The following SLC10A2 variants were observed in gnomAD, a reference collection of about 807,000 sequenced individuals.
SLC10A2 encodes the protein solute carrier family 10 member 2, also known as ileal sodium/bile acid cotransporter.
A neutral mutation model predicts 27.1 loss-of-function variants in SLC10A2; 34 were observed. That is an observed-to-expected ratio of 1.26 (90% CI 0.96 to 1.67). The LOEUF is 1.67. Ranked by LOEUF, SLC10A2 falls within the 40% of genes most tolerant of loss-of-function variation. The pLI, the probability that SLC10A2 is intolerant of heterozygous loss-of-function variation, is 0.00. For missense variants in SLC10A2, 530 were observed against 444.4 expected, an observed-to-expected ratio of 1.19 and a Z score of -1.73; for synonymous variants, 205 against 174.0, an observed-to-expected ratio of 1.18 and a Z score of -1.40.
At chr13:103,058,654 T>A (rs1566514171) in intron 1 of SLC10A2, among the ~76,000 whole-genome samples, 1 of 152,276 alleles carries the variant, frequency 6.6e-6, no homozygotes, top group East Asian at 1.9e-4. Flanking sequence ...TTCCCCTCTA[T>A]GTGTCCATGC....
At chr13:103,052,420 G>A (rs1366859238) in intron 3 of SLC10A2, among the ~76,000 whole-genome samples, 200 bp downstream of exon 3, 6 of 130,898 alleles carry the variant, frequency 4.6e-5, no homozygotes, top group African/African-American at 1.5e-4. Flanking sequence ...AACAGCATTA[G>A]CAACATAGTG....
rs267603746 is a variant in SLC10A2 at position 103,066,090 on chromosome 13, C to T, written c.160G>A (p.Glu54Lys). 3 of 1,613,794 alleles carry T rather than the reference C, an allele frequency of 1.9e-6. No individual in the cohort carries two copies. Among genetic ancestry groups the T allele is most frequent in the Non-Finnish European group, 1.7e-6 (2 of 1,179,874 alleles). The part of the protein sequence containing the change: ...LVMFSMGCNV[E>K]IKKFLGHIKR... ...ATGTGCCCTAGAAATTTCTTGATTTCCACGTTGCATCCCATGGAGAACATC... is the reference window on the plus strand; with the variant it reads ...ATGTGCCCTAGAAATTTCTTGATTTTCACGTTGCATCCCATGGAGAACATC... The change falls in exon 1 of 6, where the codon GAA becomes AAA. Residue 54 changes from glutamate to lysine, a missense_variant. Transcript: ENST00000245312.
chr13:103,061,353 T>TA (rs1156857337), intron 1 of SLC10A2, among the ~76,000 whole-genome samples: 6 of 151,786 alleles, frequency 4.0e-5, no homozygotes, highest in Non-Finnish European at 5.9e-5. Context: ...TATTTTATTT[T>TA]AAAAAATATA....
chr13:103,065,494 C>T (rs1056131129), intron 1 of SLC10A2, among the ~76,000 whole-genome samples: 4 of 152,080 alleles, frequency 2.6e-5, no homozygotes, highest in African/African-American at 9.7e-5. Context: ...CCCAGAGCTC[C>T]TCATCATTAC....
At chr13:103,053,211 G>A (rs1875842195) in intron 2 of SLC10A2, among the ~76,000 whole-genome samples, 1 of 151,680 alleles carries the variant, frequency 6.6e-6, no homozygotes, top group Non-Finnish European at 1.5e-5. Flanking sequence ...ATTTTAAAAT[G>A]AAAGAAAATG....
At chr13:103,065,762 T>A (rs747405613) in intron 1 of SLC10A2, 111 bp downstream of exon 1, 100 of 1,227,594 alleles carry the variant, frequency 8.1e-5, no homozygotes, top group Middle Eastern at 7.1e-4. Context: ...GTTTGATTCC[T>A]TAGTCATACT....
Position 103,066,231 on chromosome 13 carries a change from A to T in SLC10A2, c.19T>A (p.Cys7Ser). 1 of 1,608,742 alleles carries T rather than the reference A, an allele frequency of 6.2e-7. No individual in the cohort carries two copies. Among genetic ancestry groups the T allele is most frequent in the East Asian group, 2.2e-5 (1 of 44,760 alleles). ...GAGCAAACTGTTGCATTGTCCACAC[A>T]GCTGTTCGGATCATTCATTGCTGGG... The part of the protein sequence containing the change: MNDPNS[C>S]VDNATVCSGA... Residue 7 changes from cysteine to serine, a missense_variant, in exon 1 of 6, where the codon TGT becomes AGT. By Grantham distance (112) the Cys-to-Ser change is moderately radical. Transcript: ENST00000245312.
At position 103,044,861 on chromosome 13, in the gene SLC10A2, A is replaced by G. The variant is rs1187856163; in HGVS notation, c.*1272T>C. On this transcript the variant is annotated 3_prime_UTR_variant, in exon 6 of 6. Coordinates refer to ENST00000245312, the MANE Select transcript of SLC10A2 (RefSeq NM_000452.3). Reference sequence around the variant, plus strand: ...ATTCGATCTTATAATTGAAAGTCCAACACTTGATGAGTTATTTTCCCCTGG... The same window carrying G: ...ATTCGATCTTATAATTGAAAGTCCAGCACTTGATGAGTTATTTTCCCCTGG... 2 of 152,212 alleles carry G rather than the reference A, an allele frequency of 1.3e-5. No homozygotes were observed. Among genetic ancestry groups the G allele is most frequent in the East Asian group, 1.9e-4 (1 of 5,196 alleles). The allele number at this position is 152,212 out of a possible 1,614,324, so 9.4% of individuals were successfully genotyped here. A position where few individuals can be genotyped will look rare whatever the true frequency, so the allele number is the denominator to read the frequency against.
rs279941 is a variant in SLC10A2 at position 103,045,818 on chromosome 13, A to T, written c.*315T>A. 1.4e-5 allele frequency: 3 copies of T among 210,564 alleles called. No homozygotes were observed. The highest frequency in any genetic ancestry group is 5.3e-5 in the Admixed American group (1 of 18,850). The allele number at this position is 210,564 out of a possible 1,614,324, so 13.0% of individuals were successfully genotyped here. A position where few individuals can be genotyped will look rare whatever the true frequency, so the allele number is the denominator to read the frequency against. On this transcript the variant is annotated 3_prime_UTR_variant, in exon 6 of 6. Transcript: ENST00000245312. Reference sequence around the variant, plus strand: ...CATAAGAATTCAGTTTTGGTGTTAAAGATGTTTTCATTCTCGGTGTTCCCT... The same window carrying T: ...CATAAGAATTCAGTTTTGGTGTTAATGATGTTTTCATTCTCGGTGTTCCCT...
chr13:103,065,457 GACAA>G (rs937699825), intron 1 of SLC10A2, among the ~76,000 whole-genome samples: 3 of 152,144 alleles, frequency 2.0e-5, no homozygotes, highest in Middle Eastern at 3.4e-3. Flanking sequence ...TCTAATGTTT[GACAA>G]ACAGTTTTAT....
chr13:103,047,746 C>T (rs1296827403), intron 5 of SLC10A2, among the ~76,000 whole-genome samples: 2 of 152,000 alleles, frequency 1.3e-5, no homozygotes, highest in Admixed American at 1.3e-4. Context: ...TTCCTCATTC[C>T]TTCAACTTAA....
At chr13:103,060,730 AAT>A (rs1876091449) in intron 1 of SLC10A2, among the ~76,000 whole-genome samples, 1 of 152,114 alleles carries the variant, frequency 6.6e-6, no homozygotes, top group African/African-American at 2.4e-5. Context: ...TGTTCCACCA[AAT>A]AGAATCGGGA....
chr13:103,058,264 C>T lies in SLC10A2; in HGVS notation c.496G>A (p.Gly166Ser). 6.5e-7 allele frequency: 1 copy of T among 1,532,906 alleles called. No individual in the cohort carries two copies. The allele number at this position is 1,532,906 out of a possible 1,614,324, so 95.0% of individuals were successfully genotyped here. A position where few individuals can be genotyped will look rare whatever the true frequency, so the allele number is the denominator to read the frequency against. The stretch of plus-strand genomic sequence containing the variant: ...ACAGTCTTACAGATGGATGACTTAC[C>T]TATGTTATCATAGGGAATTACGATG... ...GSIVIPYDNI[G>S]TSLVSLVVPV... The change falls in exon 2 of 6, where the codon GGT (glycine) becomes AGT (serine). Residue 166 changes from glycine (G) to serine (S), a missense_variant and splice_region_variant. Physicochemically the swap from Gly to Ser is moderately conservative, Grantham distance 56. Transcript: ENST00000245312.
intron 1 of SLC10A2, among the ~76,000 whole-genome samples, chr13:103,062,108 G>T (rs1876140729): frequency 6.6e-6 from 1 of 152,216 alleles, no homozygotes; most frequent in African/African-American, 2.4e-5. Context: ...TGTAAATTTA[G>T]TGAATGTTGA....
At chr13:103,061,512 G>A (rs1310246101) in intron 1 of SLC10A2, among the ~76,000 whole-genome samples, 1 of 151,704 alleles carries the variant, frequency 6.6e-6, no homozygotes, top group African/African-American at 2.4e-5. Flanking sequence ...GAGAATTTTT[G>A]TTTTAAAATG....
At chr13:103,057,266 T>A (rs181594970) in intron 2 of SLC10A2, among the ~76,000 whole-genome samples, 4 of 152,298 alleles carry the variant, frequency 2.6e-5, no homozygotes, top group African/African-American at 9.6e-5. Context: ...CTGTGGGAAA[T>A]GCCTATTCCT....
chr13:103,058,923 G>A (rs1876021938), intron 1 of SLC10A2, among the ~76,000 whole-genome samples: 1 of 152,180 alleles, frequency 6.6e-6, no homozygotes, highest in Non-Finnish European at 1.5e-5. Flanking sequence ...GGACATATGT[G>A]TGCATGTGTC....
chr13:103,053,754 C>T (rs933515314), intron 2 of SLC10A2, among the ~76,000 whole-genome samples: 7 of 151,972 alleles, frequency 4.6e-5, no homozygotes, highest in Non-Finnish European at 8.8e-5. Flanking sequence ...ACATAATTTC[C>T]TTGTAGTCTT....
chr13:103,058,620 C>T (rs1876012377), intron 1 of SLC10A2, among the ~76,000 whole-genome samples: 1 of 152,132 alleles, frequency 6.6e-6, no homozygotes, highest in African/African-American at 2.4e-5. Flanking sequence ...ACCCTCCACC[C>T]TCTAATAGGC....
Sources: allele counts gnomAD v4.1 joint callset (sites outside exome capture counted in the v4.1 genomes callset), GRCh38; gene constraint gnomAD v4.1.1; transcripts MANE v1.5; gene names NCBI Gene and HGNC (gene_info 2026-07-23, HGNC 2026-07-21).